Variants in CENPW observed in about 807,000 individuals in gnomAD.
CENPW encodes cancer-up-regulated gene 2 protein.
Under a neutral mutation model 11.1 loss-of-function variants are expected in CENPW, and 3 were observed. The observed-to-expected ratio is 0.27, with a 90% CI of 0.12 to 0.70. The LOEUF is 0.70. Ranked by LOEUF, CENPW falls within the 30% of genes least tolerant of loss-of-function variation. The pLI is 0.77. For synonymous variants in CENPW, 38 were observed against 42.0 expected (o/e 0.91, Z 0.37); for missense variants, 100 against 105.6 (o/e 0.95, Z 0.23).
chr6:126,451,353 G>A, the CENPW span, among the ~76,000 whole-genome samples: 2 of 150,852 alleles, frequency 1.3e-5, no homozygotes, highest in African/African-American at 2.4e-5. Context: ...CCAAGAAAAA[G>A]CCTACAGGTT....
the CENPW span, among the ~76,000 whole-genome samples, chr6:126,362,803 A>G: frequency 3.9e-5 from 6 of 152,016 alleles, no homozygotes; most frequent in Non-Finnish European, 8.8e-5. Flanking sequence ...TTCTTTTAAA[A>G]TTGTACTGAA....
At chr6:126,372,523 G>A in the CENPW span, among the ~76,000 whole-genome samples, 1 of 152,014 alleles carries the variant, frequency 6.6e-6, no homozygotes, top group East Asian at 1.9e-4. Context: ...TCTGTAATAG[G>A]AAATAAATGT....
the CENPW span, among the ~76,000 whole-genome samples, chr6:126,447,925 T>C: frequency 6.6e-6 from 1 of 151,330 alleles, no homozygotes; most frequent in Non-Finnish European, 1.5e-5. Flanking sequence ...CCTCCGGGCA[T>C]TGACTGAAGG....
chr6:126,475,078 C>A, the CENPW span, among the ~76,000 whole-genome samples: 23 of 152,198 alleles, frequency 1.5e-4, no homozygotes, highest in Middle Eastern at 6.8e-3. Context: ...ATTAAATATT[C>A]TGAATTTAAA....
the CENPW span, among the ~76,000 whole-genome samples, chr6:126,429,507 A>G: frequency 6.6e-6 from 1 of 152,006 alleles, no homozygotes; most frequent in Non-Finnish European, 1.5e-5. Context: ...CCTGCTTTCA[A>G]CATGTAATGT....
At chr6:126,413,739 A>G in the CENPW span, among the ~76,000 whole-genome samples, 1 of 151,990 alleles carries the variant, frequency 6.6e-6, no homozygotes, top group African/African-American at 2.4e-5. Flanking sequence ...CGATGATAAA[A>G]CAATAAGAGA....
chr6:126,467,797 A>G, the CENPW span, among the ~76,000 whole-genome samples: 1 of 152,170 alleles, frequency 6.6e-6, no homozygotes, highest in Non-Finnish European at 1.5e-5. Context: ...AGGGGCAAAA[A>G]TGTAGTTTTA....
chr6:126,359,121 G>A, the CENPW span, among the ~76,000 whole-genome samples: 1 of 151,804 alleles, frequency 6.6e-6, no homozygotes, highest in Non-Finnish European at 1.5e-5. Flanking sequence ...ATTTGGGTAA[G>A]TTATATCCCT....
At chr6:126,444,835 T>G in the CENPW span, among the ~76,000 whole-genome samples, 1 of 151,244 alleles carries the variant, frequency 6.6e-6, no homozygotes, top group Non-Finnish European at 1.5e-5. Flanking sequence ...AAGGATTTTC[T>G]TGTATTCAAA....
the CENPW span, among the ~76,000 whole-genome samples, chr6:126,375,251 T>C: frequency 2.0e-5 from 3 of 152,304 alleles, no homozygotes; most frequent in African/African-American, 4.8e-5. Context: ...TGCTGTAGCA[T>C]GCTGAAGAAG....
At chr6:126,443,399 G>C in the CENPW span, among the ~76,000 whole-genome samples, 1 of 151,038 alleles carries the variant, frequency 6.6e-6, no homozygotes, top group Non-Finnish European at 1.5e-5. Flanking sequence ...TGTGTTTTCT[G>C]TAAACTAGCG....
the CENPW span, among the ~76,000 whole-genome samples, chr6:126,465,544 A>G: frequency 3.3e-4 from 50 of 152,218 alleles, 1 homozygote; most frequent in Admixed American, 3.1e-3. Flanking sequence ...AACTCACGTG[A>G]ACATTAAAAA....
At chr6:126,389,221 C>T in the CENPW span, among the ~76,000 whole-genome samples, 2 of 151,932 alleles carry the variant, frequency 1.3e-5, no homozygotes, top group Non-Finnish European at 2.9e-5. Context: ...TTCTAACTAT[C>T]TCTACTGCTG....
At chr6:126,432,046 C>G in the CENPW span, among the ~76,000 whole-genome samples, 1 of 115,318 alleles carries the variant, frequency 8.7e-6, no homozygotes, top group Admixed American at 1.2e-4. Context: ...GCCTAGGCAA[C>G]AGACTGAGAC....
chr6:126,361,017 A>C, the CENPW span, among the ~76,000 whole-genome samples: 1 of 152,282 alleles, frequency 6.6e-6, no homozygotes, highest in East Asian at 1.9e-4. Context: ...GAATTCTTGC[A>C]CTGATTCTTT....
At chr6:126,446,322 A>G in the CENPW span, among the ~76,000 whole-genome samples, 1 of 150,848 alleles carries the variant, frequency 6.6e-6, no homozygotes, top group Non-Finnish European at 1.5e-5. Context: ...TGCTGTACTT[A>G]TTCCCACAGC....
the CENPW span, among the ~76,000 whole-genome samples, chr6:126,392,849 C>T: frequency 1.3e-5 from 2 of 151,808 alleles, no homozygotes; most frequent in African/African-American, 2.4e-5. Flanking sequence ...CTCTATTTCT[C>T]AGAATAGTTT....
chr6:126,378,341 T>C, the CENPW span, among the ~76,000 whole-genome samples: 1 of 152,052 alleles, frequency 6.6e-6, no homozygotes, highest in Non-Finnish European at 1.5e-5. Context: ...TTTTCTATCA[T>C]GGATGCAATT....
At chr6:126,439,863 C>T in the CENPW span, among the ~76,000 whole-genome samples, 3 of 151,590 alleles carry the variant, frequency 2.0e-5, no homozygotes, top group Admixed American at 6.6e-5. Flanking sequence ...CATATTTAAA[C>T]CATTCATCCA....
Sources: gnomAD v4.1 joint callset for allele counts (sites outside exome capture counted in the v4.1 genomes callset) on GRCh38, gnomAD v4.1.1 for gene constraint, MANE v1.5 for transcripts, NCBI Gene and HGNC (gene_info 2026-07-23, HGNC 2026-07-21) for gene names.